Variants in IL16 observed in about 807,000 individuals in gnomAD.
IL16 encodes the protein interleukin 16.
In IL16, 67 loss-of-function variants were observed where a neutral mutation model predicts 110.1. The ratio of observed to expected loss-of-function variants is 0.61; its 90% CI spans 0.50 to 0.75. IL16 has a LOEUF of 0.75. Among genes scored for constraint, IL16 ranks in the 30% least tolerant of loss-of-function variants. The probability of loss-of-function intolerance (pLI) is 0.00; values close to 1 mark genes in which losing one functional copy is unlikely to be tolerated. For missense variants in IL16, 1,545 were observed against 1,655.0 expected (o/e 0.93, Z 1.15); for synonymous variants, 689 against 662.9 (o/e 1.04, Z -0.61).
intron 2 of IL16, among the ~76,000 whole-genome samples, chr15:81,237,809 A>C (rs1897222585): frequency 6.6e-6 from 1 of 151,982 alleles, no homozygotes; most frequent in African/African-American, 2.4e-5. Flanking sequence ...GTTATGTTTC[A>C]AGTGAGTTTC....
intron 1 of IL16, among the ~76,000 whole-genome samples, chr15:81,202,233 G>A (rs1389785736): frequency 2.6e-5 from 4 of 152,200 alleles, no homozygotes; most frequent in African/African-American, 4.8e-5. Context: ...CCCTCAGGGA[G>A]CTTAGAGTTC....
At chr15:81,272,377 G>A (rs528640317) in intron 5 of IL16, among the ~76,000 whole-genome samples, 8 of 152,246 alleles carry the variant, frequency 5.3e-5, no homozygotes, top group African/African-American at 1.7e-4. Flanking sequence ...AACCTTTCCC[G>A]GGACTTATTC....
chr15:81,243,319 G>A (rs556917254), intron 2 of IL16, among the ~76,000 whole-genome samples: 5 of 149,940 alleles, frequency 3.3e-5, no homozygotes, highest in African/African-American at 4.9e-5. Flanking sequence ...GGGACCATAG[G>A]CATGTGCCAC....
At chr15:81,226,458 C>G (rs1053948056) in intron 2 of IL16, among the ~76,000 whole-genome samples, 8 of 152,206 alleles carry the variant, frequency 5.3e-5, no homozygotes, top group Non-Finnish European at 1.0e-4. Context: ...TGGCCCTAAA[C>G]CATGGGATCA....
intron 2 of IL16, among the ~76,000 whole-genome samples, chr15:81,252,639 A>G (rs572690423): frequency 1.3e-5 from 2 of 152,008 alleles, no homozygotes; most frequent in Non-Finnish European, 2.9e-5. Flanking sequence ...TACTCCTTAT[A>G]CCCCTCATTC....
intron 1 of IL16, among the ~76,000 whole-genome samples, chr15:81,187,138 G>A (rs544855491): frequency 6.6e-6 from 1 of 152,274 alleles, no homozygotes; most frequent in East Asian, 1.9e-4. Flanking sequence ...ACCTTCCAGG[G>A]TGGAACTTGA....
At position 81,269,765 on chromosome 15, in the gene IL16, G is replaced by A. The variant is rs4072630; in HGVS notation, c.675+117G>A. 14,267 of 703,550 alleles carry A rather than the reference G, an allele frequency of 0.02. 1,531 individuals are homozygous for A. The African/African-American group carries it at 0.23, about 11-fold the overall frequency. The allele number at this position is 703,550 out of a possible 1,614,324, so 43.6% of individuals were successfully genotyped here. ...ACTGGGGTGTCCTGGCGCATCAGAA[G>A]AGACAAACACAAGAGTGGCTAGTCT... On this transcript the variant is annotated intron_variant, in intron 5 of 18. Coordinates refer to ENST00000683961, the MANE Select transcript of IL16 (RefSeq NM_172217.5).
chr15:81,293,703 G>A (rs1471419754), intron 12 of IL16, among the ~76,000 whole-genome samples: 1 of 152,176 alleles, frequency 6.6e-6, no homozygotes, highest in Non-Finnish European at 1.5e-5. Context: ...AGCATCTCAG[G>A]CATATTAGCA....
chr15:81,205,059 C>A (rs1270402183), intron 1 of IL16, among the ~76,000 whole-genome samples: 1 of 152,146 alleles, frequency 6.6e-6, no homozygotes, highest in Non-Finnish European at 1.5e-5. Flanking sequence ...GTAACCCCAG[C>A]ACCTTGGGGG....
Position 81,225,612 on chromosome 15 carries a change from C to T in IL16, c.213C>T (p.Pro71=), listed in dbSNP as rs1229458680. ...TGGCAGACACATCGGAGGCTGGGCCCAGCAGTGTTCCTGATCTAGCACTGG... is the reference window on the plus strand; with the variant it reads ...TGGCAGACACATCGGAGGCTGGGCCTAGCAGTGTTCCTGATCTAGCACTGG... ...VQLADTSEAG[P]SSVPDLALAS... is the part of the protein sequence containing the mutation. Residue 71 remains proline, a synonymous_variant, in exon 2 of 19, where the codon CCC becomes CCT. Transcript: ENST00000683961. 1.9e-6 allele frequency: 3 copies of T among 1,614,050 alleles called. No individual in the cohort carries two copies. The highest frequency in any genetic ancestry group is 2.2e-5 in the East Asian group (1 of 44,856).
chr15:81,272,041 C>T (rs944677326), intron 5 of IL16, among the ~76,000 whole-genome samples: 7 of 152,222 alleles, frequency 4.6e-5, no homozygotes, highest in East Asian at 3.8e-4. Flanking sequence ...CATGCTTGTA[C>T]GTTGGACCCA....
intron 11 of IL16, chr15:81,291,824 G>T (rs954913858): frequency 4.6e-6 from 2 of 435,776 alleles, no homozygotes; most frequent in Non-Finnish European, 9.4e-6. Context: ...TGACTTCTTC[G>T]TGTAAGATTC....
chr15:81,252,224 A>C (rs181090746), intron 2 of IL16, among the ~76,000 whole-genome samples: 1 of 152,366 alleles, frequency 6.6e-6, no homozygotes, highest in African/African-American at 2.4e-5. Context: ...AACAAAGTGC[A>C]ATGGAGATTT....
Position 81,308,587 on chromosome 15 carries a change from C to A in IL16, c.3806-18C>A. 6.3e-7 allele frequency: 1 copy of A among 1,579,830 alleles called. No homozygotes were observed. Among genetic ancestry groups the A allele is most frequent in the Non-Finnish European group, 8.6e-7 (1 of 1,163,322 alleles). ...TCCCCATCATCTGTGGAACCCATTA[C>A]CTTCTCCCTCATTTCAGGAGCAGCC... is the stretch of plus-strand genomic sequence containing the variant. On this transcript the variant is annotated intron_variant, in intron 18 of 18. Coordinates refer to ENST00000683961, the MANE Select transcript of IL16 (RefSeq NM_172217.5).
At chr15:81,302,080 A>C (rs1289367275) in intron 15 of IL16, 1 of 153,034 alleles carries the variant, frequency 6.5e-6, no homozygotes, top group African/African-American at 2.4e-5. Context: ...AGCTGGGGCC[A>C]GCAGTCAAAT....
chr15:81,184,966 G>A (rs940275833), intron 1 of IL16, among the ~76,000 whole-genome samples: 1 of 152,132 alleles, frequency 6.6e-6, no homozygotes, highest in African/African-American at 2.4e-5. Context: ...CACCATAGGT[G>A]CCTTGACTCC....
rs781656681 is a variant in IL16, at chr15:81,292,728, G to A, written c.1593G>A (p.Glu531=). The A allele has an allele frequency of 1.9e-6, 3 of 1,614,176 alleles. No homozygotes were observed. In the South Asian group the frequency reaches 3.3e-5, roughly 18 times the overall value. Residue 531 remains glutamate, a synonymous_variant, in exon 12 of 19, where the codon GAG becomes GAA. Transcript: ENST00000683961. ...PGGSPGSGSA[E]KPSSDVDIST... is the part of the protein sequence containing the mutation. ...GAAGTCCTGGGAGTGGCAGTGCTGA[G>A]AAGCCGTCCTCTGACGTGGACATCA... is the stretch of plus-strand genomic sequence containing the variant.
intron 1 of IL16, among the ~76,000 whole-genome samples, chr15:81,210,768 T>C (rs1452615469): frequency 6.6e-6 from 1 of 152,238 alleles, no homozygotes; most frequent in Non-Finnish European, 1.5e-5. Flanking sequence ...TTTCTAAGTA[T>C]AGATTCATAT....
At chr15:81,229,693 A>G (rs200938724) in intron 2 of IL16, among the ~76,000 whole-genome samples, 26 of 152,172 alleles carry the variant, frequency 1.7e-4, no homozygotes, top group East Asian at 5.8e-4. Context: ...GGAGAAGCTC[A>G]GAGTACTCAA....
Sources: allele counts gnomAD v4.1 joint callset (sites outside exome capture counted in the v4.1 genomes callset), GRCh38; gene constraint gnomAD v4.1.1; transcripts MANE v1.5; gene names NCBI Gene and HGNC (gene_info 2026-07-23, HGNC 2026-07-21).